The following GRIA4 variants were observed in gnomAD, a reference collection of about 807,000 sequenced individuals.
The protein encoded by GRIA4 is glutamate receptor 4.
Under a neutral mutation model 104.0 loss-of-function variants are expected in GRIA4, and 34 were observed. The observed-to-expected ratio is 0.33, with a 90% CI of 0.25 to 0.44. The LOEUF (loss-of-function observed/expected upper bound fraction) is 0.44, where lower values mean the gene tolerates loss of function less well. GRIA4 is among the 20% of genes least tolerant of loss of function. GRIA4 has a pLI of 1.00. For synonymous variants in GRIA4, 386 were observed against 381.9 expected (o/e 1.01, Z -0.13); for missense variants, 750 against 1,096.5 (o/e 0.68, Z 4.46).
At chr11:105,964,794 GTTTT>G (rs981361419) in intron 14 of GRIA4, among the ~76,000 whole-genome samples, 21 of 141,868 alleles carry the variant, frequency 1.5e-4, no homozygotes, top group East Asian at 4.1e-4. Flanking sequence ...GTTTTTTTTT[GTTTT>G]TTTTTTGTTT....
At chr11:105,753,334 A>T in intron 4 of GRIA4, 114 bp downstream of exon 4, 1 of 918,420 alleles carries the variant, frequency 1.1e-6, no homozygotes, top group Non-Finnish European at 1.7e-6. Flanking sequence ...CTAAAATCAG[A>T]AAATGGTTGA....
chr11:105,629,627 T>A (rs984351993), intron 3 of GRIA4, among the ~76,000 whole-genome samples: 3 of 152,186 alleles, frequency 2.0e-5, no homozygotes, highest in Admixed American at 1.3e-4. Flanking sequence ...AATTTTTACA[T>A]GTTTACAAAA....
Position 105,966,128 on chromosome 11 carries a change from C to T in GRIA4, c.2295-5786C>T. On this transcript the variant is annotated intron_variant, in intron 14 of 16. Coordinates refer to ENST00000282499, the MANE Select transcript of GRIA4 (RefSeq NM_000829.4). The stretch of plus-strand genomic sequence containing the variant: ...AGTAATAGGTGCATCTGCTGGGAGA[C>T]TTATGGTTTGGACCTCCTAATACCA... The T allele has an allele frequency of 3.5e-6, 4 of 1,147,700 alleles. No individual in the cohort carries two copies. The Admixed American group carries it at 5.4e-5, about 16-fold the overall frequency. The allele number at this position is 1,147,700 out of a possible 1,614,324, so 71.1% of individuals were successfully genotyped here.
At chr11:105,729,987 T>C (rs553014787) in intron 3 of GRIA4, among the ~76,000 whole-genome samples, 3 of 152,192 alleles carry the variant, frequency 2.0e-5, no homozygotes, top group Non-Finnish European at 2.9e-5. Flanking sequence ...GGATGCCCTC[T>C]CTCACCACTC....
At chr11:105,766,562 T>A (rs1940954247) in intron 4 of GRIA4, among the ~76,000 whole-genome samples, 1 of 152,210 alleles carries the variant, frequency 6.6e-6, no homozygotes. Context: ...TTCTAAAATC[T>A]TGACTGGGCC....
At chr11:105,631,873 T>C (rs1951043529) in intron 3 of GRIA4, among the ~76,000 whole-genome samples, 2 of 152,102 alleles carry the variant, frequency 1.3e-5, no homozygotes, top group South Asian at 2.1e-4. Context: ...TAAGACTTAA[T>C]AAAGTGGAGT....
chr11:105,646,428 A>G (rs1033448372), intron 3 of GRIA4, among the ~76,000 whole-genome samples: 1 of 152,146 alleles, frequency 6.6e-6, no homozygotes, highest in Non-Finnish European at 1.5e-5. Context: ...CTCTGTCTCT[A>G]CAAATAGTTA....
chr11:105,752,331 C>A, intron 3 of GRIA4, among the ~76,000 whole-genome samples: 1 of 151,976 alleles, frequency 6.6e-6, no homozygotes, highest in Non-Finnish European at 1.5e-5. Context: ...CGCAGCTGGC[C>A]CCAATTCATT....
At position 105,708,611 on chromosome 11, in the gene GRIA4, C is replaced by T. The variant is rs7938492; in HGVS notation, c.248-44370C>T. ...TTTGATTGGTTACCATACCCAGATA[C>T]GGTACACTAGTTAATAATTTTGTCT... On this transcript the variant is annotated intron_variant, in intron 3 of 16. Transcript: ENST00000282499. 7.2e-3 allele frequency among the ~76,000 whole-genome samples: 1,093 copies of T among 152,030 alleles called. 21 individuals are homozygous for T. The highest frequency in any genetic ancestry group is 0.024 in the African/African-American group (1,015 of 41,492).
intron 10 of GRIA4, among the ~76,000 whole-genome samples, chr11:105,917,815 GGTGT>G (rs147308478): frequency 0.015 from 2,089 of 142,724 alleles, 40 homozygotes; most frequent in African/African-American, 0.04. Flanking sequence ...TTGGTTTAAG[GGTGT>G]GTGTGTGTGT....
rs192065652 is a variant in GRIA4, at chr11:105,919,351, T to C, written c.1476+433T>C. Among the ~76,000 whole-genome samples the C allele has an allele frequency of 4.1e-3, 628 of 152,306 alleles. 13 individuals carry two copies. The highest frequency in any genetic ancestry group is 5.3e-3 in the Admixed American group (81 of 15,290). On this transcript the variant is annotated intron_variant, in intron 11 of 16. Transcript: ENST00000282499. ...TACCTCCATTGTTTGTAATTACTCA[T>C]AGATATCTTTTAAGTAATTGGTGAG...
chr11:105,974,530 A>G (rs1253513859), intron 16 of GRIA4, 86 bp downstream of exon 16: 3 of 1,613,628 alleles, frequency 1.9e-6, no homozygotes, highest in African/African-American at 1.3e-5. Context: ...TACAACGTAT[A>G]TGGAACCGAA....
intron 3 of GRIA4, among the ~76,000 whole-genome samples, chr11:105,658,924 A>G (rs1419477131): frequency 6.6e-6 from 1 of 152,036 alleles, no homozygotes; most frequent in Non-Finnish European, 1.5e-5. Context: ...CTGAATCCAT[A>G]GGTTAATCTC....
At position 105,911,775 on chromosome 11, in the gene GRIA4, A is replaced by AATATATATATATATATATATATATAT. The variant is rs60005308; in HGVS notation, c.1269+1239_1269+1264dup. On this transcript the variant is annotated intron_variant, in intron 10 of 16. Coordinates refer to ENST00000282499, the MANE Select transcript of GRIA4 (RefSeq NM_000829.4). ...AATATTTGCATGGGACTTGAAAAGC[A>AATATATATATATATATATATATATAT]ATATATATATATATATATATATATA... 2.8e-3 allele frequency: 208 copies of AATATATATATATATATATATATATAT among 74,538 alleles called. 6 individuals carry two copies. Among genetic ancestry groups the AATATATATATATATATATATATATAT allele is most frequent in the African/African-American group, 4.2e-3 (61 of 14,466 alleles). 4.6% of individuals were successfully genotyped at this position (74,538 alleles called of 1,614,324 possible).
At chr11:105,961,982 T>C (rs1948754895) in intron 14 of GRIA4, among the ~76,000 whole-genome samples, 2 of 152,218 alleles carry the variant, frequency 1.3e-5, no homozygotes, top group African/African-American at 4.8e-5. Context: ...CCTGAATATC[T>C]TGTGGGCAGA....
At chr11:105,682,157 C>T (rs1952731078) in intron 3 of GRIA4, among the ~76,000 whole-genome samples, 1 of 152,032 alleles carries the variant, frequency 6.6e-6, no homozygotes, top group African/African-American at 2.4e-5. Context: ...CCGTGCTAGC[C>T]TAGTATATAG....
At chr11:105,936,467 AT>A (rs1403320990) in intron 14 of GRIA4, among the ~76,000 whole-genome samples, 1 of 152,138 alleles carries the variant, frequency 6.6e-6, no homozygotes, top group Non-Finnish European at 1.5e-5. Context: ...TTGCCTTGTC[AT>A]TAACAATGGC....
In GRIA4 at chr11:105,956,009, A is replaced by G. The variant is rs375042092; in HGVS notation, c.2295-15905A>G. ...GTAAATTTGTTTAAGTTTCTTGTAAATTCTGGATATTAGACGTTTGTCAGA... is the reference window on the plus strand; with the variant it reads ...GTAAATTTGTTTAAGTTTCTTGTAAGTTCTGGATATTAGACGTTTGTCAGA... On this transcript the variant is annotated intron_variant, in intron 14 of 16. Coordinates refer to ENST00000282499, the MANE Select transcript of GRIA4 (RefSeq NM_000829.4). Among the ~76,000 whole-genome samples, 46 of 152,204 alleles carry G rather than the reference A, an allele frequency of 3.0e-4. No homozygotes were observed. The East Asian group carries it at 7.5e-3, about 25-fold the overall frequency.
chr11:105,949,553 T>G (rs1948411372), intron 14 of GRIA4, among the ~76,000 whole-genome samples: 1 of 152,028 alleles, frequency 6.6e-6, no homozygotes. Flanking sequence ...GAAATATGAG[T>G]ACTCAGATAC....
Sources: allele counts gnomAD v4.1 joint callset (sites outside exome capture counted in the v4.1 genomes callset), GRCh38; gene constraint gnomAD v4.1.1; transcripts MANE v1.5; gene names NCBI Gene and HGNC (gene_info 2026-07-23, HGNC 2026-07-21).